Variants in ATF6 observed in about 807,000 individuals in gnomAD.
ATF6 encodes the protein cyclic AMP-dependent transcription factor ATF-6 alpha.
Under a neutral mutation model 83.6 loss-of-function variants are expected in ATF6, and 53 were observed. The ratio of observed to expected loss-of-function variants is 0.63; its 90% CI spans 0.51 to 0.80. The LOEUF (loss-of-function observed/expected upper bound fraction) is 0.80, where lower values mean the gene tolerates loss of function less well. ATF6 is among the 30% of genes least tolerant of loss of function. ATF6 has a pLI of 0.00. For missense variants in ATF6, 744 were observed against 797.9 expected, an observed-to-expected ratio of 0.93 and a Z score of 0.81; for synonymous variants, 288 against 285.8, an observed-to-expected ratio of 1.01 and a Z score of -0.08.
intron 9 of ATF6, among the ~76,000 whole-genome samples, chr1:161,836,409 G>A (rs1031237984): frequency 1.3e-5 from 2 of 152,156 alleles, no homozygotes; most frequent in Non-Finnish European, 2.9e-5. Context: ...AATCTAATTT[G>A]AGTTTTTGGC....
At chr1:161,905,217 T>C (rs1424097089) in intron 14 of ATF6, among the ~76,000 whole-genome samples, 1 of 152,162 alleles carries the variant, frequency 6.6e-6, no homozygotes, top group African/African-American at 2.4e-5. Flanking sequence ...CTGTGTTCCC[T>C]TCCCACCCTG....
chr1:161,784,241 C>A, intron 4 of ATF6, 145 bp downstream of exon 4: 1 of 613,318 alleles, frequency 1.6e-6, no homozygotes, highest in Non-Finnish European at 2.7e-6. Context: ...CAAGAAAGAG[C>A]CTTGTGGGAG....
intron 9 of ATF6, among the ~76,000 whole-genome samples, chr1:161,843,931 T>C (rs1160757908): frequency 6.6e-6 from 1 of 152,192 alleles, no homozygotes; most frequent in Non-Finnish European, 1.5e-5. Flanking sequence ...ATATAAATTA[T>C]TCAGCTGGAT....
intron 15 of ATF6, among the ~76,000 whole-genome samples, chr1:161,937,649 C>T (rs947595782): frequency 8.6e-5 from 13 of 151,074 alleles, no homozygotes; most frequent in Non-Finnish European, 1.2e-4. Context: ...AACAGAAAAC[C>T]GAACACTGCA....
chr1:161,917,520 A>T (rs574706267), intron 15 of ATF6, among the ~76,000 whole-genome samples: 1 of 151,778 alleles, frequency 6.6e-6, no homozygotes, highest in African/African-American at 2.4e-5. Flanking sequence ...TCCCGGGTTC[A>T]CACCATTCTC....
intron 14 of ATF6, among the ~76,000 whole-genome samples, chr1:161,878,154 C>T (rs912083959): frequency 6.6e-6 from 1 of 152,044 alleles, no homozygotes; most frequent in Non-Finnish European, 1.5e-5. Flanking sequence ...TATTCCATCT[C>T]CCAGGCTGGA....
chr1:161,867,349 A>G (rs1361217736), intron 14 of ATF6, among the ~76,000 whole-genome samples: 1 of 152,144 alleles, frequency 6.6e-6, no homozygotes, highest in Non-Finnish European at 1.5e-5. Flanking sequence ...GAGGAGGTTG[A>G]TTAAATAATA....
chr1:161,833,774 G>A (rs1425290140), intron 9 of ATF6, among the ~76,000 whole-genome samples: 2 of 152,186 alleles, frequency 1.3e-5, no homozygotes, highest in African/African-American at 4.8e-5. Flanking sequence ...CCAAATCTAC[G>A]TCTAATTGGT....
At position 161,958,911 on chromosome 1, in the gene ATF6, CTGG is replaced by C. The variant is rs776987704; in HGVS notation, c.*260_*262del. On this transcript the variant is annotated 3_prime_UTR_variant, in exon 16 of 16. Transcript: ENST00000367942. ...GTAGCCCTGCATCCTCCAGTGTTAC[CTGG>C]TGTAGATTTTTTTTTCTGTACCTTT... 1.0e-4 allele frequency: 34 copies of C among 332,868 alleles called. No homozygotes were observed. Among genetic ancestry groups the C allele is most frequent in the Non-Finnish European group, 1.2e-4 (22 of 182,700 alleles). The allele number at this position is 332,868 out of a possible 1,614,324, so 20.6% of individuals were successfully genotyped here. A position where few individuals can be genotyped will look rare whatever the true frequency, so the allele number is the denominator to read the frequency against.
At chr1:161,838,252 A>G (rs1480126797) in intron 9 of ATF6, among the ~76,000 whole-genome samples, 3 of 152,246 alleles carry the variant, frequency 2.0e-5, no homozygotes, top group African/African-American at 7.2e-5. Flanking sequence ...TGAGAAATAT[A>G]CAAAGAGTTG....
chr1:161,842,817 A>G (rs564290040), intron 9 of ATF6, among the ~76,000 whole-genome samples: 117 of 152,334 alleles, frequency 7.7e-4, no homozygotes, highest in Non-Finnish European at 1.0e-3. Context: ...GACAGTGGTT[A>G]TAGTAGTGGT....
chr1:161,881,745 T>G (rs1382435501), intron 14 of ATF6, among the ~76,000 whole-genome samples: 2 of 152,144 alleles, frequency 1.3e-5, no homozygotes, highest in Non-Finnish European at 2.9e-5. Flanking sequence ...AAATTTCCTT[T>G]TTAGTGTTTT....
intron 14 of ATF6, among the ~76,000 whole-genome samples, chr1:161,895,973 C>A (rs34312480): frequency 0.027 from 4,137 of 152,188 alleles, 94 homozygotes; most frequent in East Asian, 0.12. Flanking sequence ...AATAAAGGAC[C>A]CAGTGAGTTA....
intron 14 of ATF6, chr1:161,890,879 G>C (rs1231470665): frequency 2.0e-5 from 3 of 152,530 alleles, no homozygotes; most frequent in African/African-American, 7.2e-5. Flanking sequence ...AAGCACAGCT[G>C]GCCAAGGCGG....
At chr1:161,887,272 G>T (rs943597586) in intron 14 of ATF6, among the ~76,000 whole-genome samples, 4 of 151,632 alleles carry the variant, frequency 2.6e-5, no homozygotes, top group African/African-American at 9.7e-5. Context: ...TAGAGACGGG[G>T]TTTCACCATG....
At chr1:161,860,160 T>C (rs755373262) in intron 12 of ATF6, 47 bp from the exon 13 acceptor site, 1 of 1,366,054 alleles carries the variant, frequency 7.3e-7, no homozygotes, top group South Asian at 1.3e-5. Flanking sequence ...AGATTTCATA[T>C]AATTTTGTGA....
Position 161,917,662 on chromosome 1 carries a change from C to T in ATF6, c.1804+5282C>T, listed in dbSNP as rs1399849884. ...GTTTCGATGTCCTGACCTCGTGATCCGCCCACCTCGGCCTCCCAAAGTGCT... is the reference window on the plus strand; with the variant it reads ...GTTTCGATGTCCTGACCTCGTGATCTGCCCACCTCGGCCTCCCAAAGTGCT... On this transcript the variant is annotated intron_variant, in intron 15 of 15. Coordinates refer to ENST00000367942, the MANE Select transcript of ATF6 (RefSeq NM_007348.4). Among the ~76,000 whole-genome samples the T allele has an allele frequency of 3.3e-5, 5 of 152,266 alleles. 1 individual carries two copies. The highest frequency in any genetic ancestry group is 3.9e-4 in the East Asian group (2 of 5,180).
intron 14 of ATF6, among the ~76,000 whole-genome samples, chr1:161,905,902 G>A (rs969582408): frequency 6.6e-6 from 1 of 151,840 alleles, no homozygotes; most frequent in Non-Finnish European, 1.5e-5. Context: ...CAGCGATCTC[G>A]GCTCACTGCA....
chr1:161,808,677 A>G (rs1685364898), intron 7 of ATF6, among the ~76,000 whole-genome samples: 2 of 151,962 alleles, frequency 1.3e-5, no homozygotes, highest in Non-Finnish European at 2.9e-5. Context: ...GGCTTAAGCA[A>G]TCCTCCTGCC....
Sources: gnomAD v4.1 joint callset for allele counts (sites outside exome capture counted in the v4.1 genomes callset) on GRCh38, gnomAD v4.1.1 for gene constraint, MANE v1.5 for transcripts, NCBI Gene and HGNC (gene_info 2026-07-23, HGNC 2026-07-21) for gene names.